Variants in LYRM4 observed in about 807,000 individuals in gnomAD.
LYRM4 encodes the protein LYR motif containing 4.
Under a neutral mutation model 11.7 loss-of-function variants are expected in LYRM4, and 9 were observed. The ratio of observed to expected loss-of-function variants is 0.77; its 90% confidence interval spans 0.46 to 1.34. LYRM4 has a LOEUF of 1.34. LYRM4 is among the 40% of genes most tolerant of loss of function. LYRM4 has a pLI of 0.00. For synonymous variants in LYRM4, 42 were observed against 40.4 expected (o/e 1.04, Z -0.15); for missense variants, 133 against 112.5 (o/e 1.18, Z -0.82).
chr6:5,138,011 C>T (rs945442942), intron 2 of LYRM4, among the ~76,000 whole-genome samples: 6 of 152,120 alleles, frequency 3.9e-5, no homozygotes, highest in South Asian at 2.1e-4. Flanking sequence ...TTGGTCAAAA[C>T]GTACTGGGGA....
chr6:5,212,253 A>G (rs1762022469), intron 2 of LYRM4, among the ~76,000 whole-genome samples: 1 of 152,256 alleles, frequency 6.6e-6, no homozygotes, highest in Admixed American at 6.5e-5. Flanking sequence ...GTTTACTGAT[A>G]GTTATTCTAA....
the LYRM4 span, chr6:5,032,389 G>C: frequency 6.6e-6 from 1 of 152,116 alleles, no homozygotes; most frequent in Non-Finnish European, 1.5e-5. Context: ...TTAAAACTGA[G>C]TTTCATTGAG....
intron 2 of LYRM4, among the ~76,000 whole-genome samples, chr6:5,192,262 G>A (rs1760798621): frequency 1.3e-5 from 2 of 152,130 alleles, no homozygotes; most frequent in Admixed American, 1.3e-4. Flanking sequence ...AAGATGGCCT[G>A]GGGTAGGGTG....
the LYRM4 span, chr6:5,033,591 A>G: frequency 6.6e-6 from 1 of 152,308 alleles, no homozygotes; most frequent in African/African-American, 2.4e-5. Context: ...GGATACATCC[A>G]TCTCCTAACC....
intron 2 of LYRM4, among the ~76,000 whole-genome samples, chr6:5,187,290 C>T (rs746064615): frequency 2.0e-5 from 3 of 152,114 alleles, no homozygotes; most frequent in South Asian, 2.1e-4. Context: ...ATGTTCATAC[C>T]CAGTGACTCA....
At chr6:5,063,583 C>A in the LYRM4 span, among the ~76,000 whole-genome samples, 22 of 152,306 alleles carry the variant, frequency 1.4e-4, 1 homozygote, top group South Asian at 4.1e-3. Context: ...ATCCCTGGAA[C>A]CCAGGCTTGT....
At position 5,256,490 on chromosome 6, in the gene LYRM4, G is replaced by GAAAAAAAAAAAAAAAAAAA. The variant is rs777995486; in HGVS notation, c.86+4157_86+4158insTTTTTTTTTTTTTTTTTTT. On this transcript the variant is annotated intron_variant, in intron 1 of 2. Transcript: ENST00000330636. ...GGGCAACAAGGGCAAGATTTCAACT[G>GAAAAAAAAAAAAAAAAAAA]GAAAAAAAAAAAAAAAAAAAAAAAA... is the stretch of plus-strand genomic sequence containing the variant. 3.2e-4 allele frequency among the ~76,000 whole-genome samples: 12 copies of GAAAAAAAAAAAAAAAAAAA among 37,520 alleles called. 4 individuals are homozygous for GAAAAAAAAAAAAAAAAAAA. The highest frequency in any genetic ancestry group is 7.2e-4 in the Admixed American group (2 of 2,788). The allele number at this position is 37,520 out of a possible 152,430, so 24.6% of individuals were successfully genotyped here. A position where few individuals can be genotyped will look rare whatever the true frequency, so the allele number is the denominator to read the frequency against.
At chr6:5,058,045 C>A in the LYRM4 span, among the ~76,000 whole-genome samples, 1 of 152,198 alleles carries the variant, frequency 6.6e-6, no homozygotes, top group Non-Finnish European at 1.5e-5. Context: ...AGCCACCACA[C>A]CCTGCCTCTA....
At chr6:5,116,908 A>G (rs1043500402) in intron 2 of LYRM4, among the ~76,000 whole-genome samples, 6 of 152,330 alleles carry the variant, frequency 3.9e-5, no homozygotes, top group Admixed American at 6.5e-5. Flanking sequence ...CCTCTTCTGA[A>G]GCAATGCACA....
the LYRM4 span, among the ~76,000 whole-genome samples, chr6:5,055,065 A>G: frequency 6.6e-6 from 1 of 152,212 alleles, no homozygotes; most frequent in Non-Finnish European, 1.5e-5. This position sits in a 1 kb window ranked among gnomAD's most constrained non-coding sequence, Gnocchi z 4.5. Context: ...TGGAGGCTTC[A>G]TCTACATGAC....
At chr6:5,164,935 T>C (rs962127767) in intron 2 of LYRM4, among the ~76,000 whole-genome samples, 2 of 134,954 alleles carry the variant, frequency 1.5e-5, no homozygotes, top group African/African-American at 2.9e-5. Flanking sequence ...GCCACCACAC[T>C]CTAGCCTGGG....
chr6:5,186,967 G>C (rs1287013611), intron 2 of LYRM4: 2 of 657,356 alleles, frequency 3.0e-6, no homozygotes, highest in Non-Finnish European at 3.8e-6. Flanking sequence ...CTGGGCGACA[G>C]AGTGAGAGTC....
At chr6:5,091,522 G>C in the LYRM4 span, among the ~76,000 whole-genome samples, 1 of 152,188 alleles carries the variant, frequency 6.6e-6, no homozygotes, top group Non-Finnish European at 1.5e-5. Context: ...CAACTCTTTT[G>C]AATCTTTTTG....
intron 2 of LYRM4, among the ~76,000 whole-genome samples, chr6:5,196,828 A>C (rs112426110): frequency 2.0e-5 from 3 of 152,346 alleles, no homozygotes; most frequent in African/African-American, 7.2e-5. Context: ...TGATAAAAAC[A>C]ATTTATAATA....
intron 1 of LYRM4, among the ~76,000 whole-genome samples, chr6:5,221,332 A>G (rs1762566982): frequency 6.6e-6 from 1 of 152,196 alleles, no homozygotes; most frequent in Non-Finnish European, 1.5e-5. Flanking sequence ...TGAGGTCCAA[A>G]TCCATATACC....
chr6:5,041,202 C>T, the LYRM4 span, among the ~76,000 whole-genome samples: 1 of 105,880 alleles, frequency 9.4e-6, no homozygotes, highest in Non-Finnish European at 2.2e-5. Context: ...TATTTTGGCA[C>T]AAAGGAGTGA....
At chr6:5,073,365 T>TA in the LYRM4 span, among the ~76,000 whole-genome samples, 2 of 151,730 alleles carry the variant, frequency 1.3e-5, no homozygotes, top group African/African-American at 2.4e-5. Flanking sequence ...GCAAGACTGT[T>TA]AAAAAATATA....
chr6:5,260,601 C>CCGGCCCCCGG, intron 1 of LYRM4, 47 bp downstream of exon 1: 2 of 1,202,676 alleles, frequency 1.7e-6, no homozygotes, highest in African/African-American at 1.6e-5. Context: ...CCCCCGGTCC[C>CCGGCCCCCGG]CGGCCCCTGG....
chr6:5,260,555 C>T (rs1764996241), intron 1 of LYRM4, 93 bp downstream of exon 1: 1 of 1,487,400 alleles, frequency 6.7e-7, no homozygotes, highest in Non-Finnish European at 9.0e-7. Flanking sequence ...ACCACGGTGG[C>T]TCCCAGTCCC....
Sources: allele counts gnomAD v4.1 joint callset (sites outside exome capture counted in the v4.1 genomes callset), GRCh38; gene constraint gnomAD v4.1.1; non-coding constraint Gnocchi (gnomAD v3.1); transcripts MANE v1.5; gene names NCBI Gene and HGNC (gene_info 2026-07-23, HGNC 2026-07-21).